Variants in AFDN observed in about 807,000 individuals in gnomAD.
The protein encoded by AFDN is afadin, adherens junction formation factor, also known as afadin.
AFDN carries 68 observed loss-of-function variants against 216.6 expected under a neutral mutation model. That is an observed-to-expected ratio of 0.31 (90% CI 0.26 to 0.38). AFDN has a LOEUF of 0.38. AFDN is among the 10% of genes least tolerant of loss of function. The pLI is 1.00. For synonymous variants in AFDN, 868 were observed against 853.7 expected (o/e 1.02, Z -0.29); for missense variants, 2,136 against 2,342.0 (o/e 0.91, Z 1.82).
chr6:167,965,646 T>G, intron 31 of AFDN, 111 bp from the exon 32 acceptor site: 1 of 1,028,668 alleles, frequency 9.7e-7, no homozygotes, highest in Non-Finnish European at 1.4e-6. Context: ...TTGTAACTAT[T>G]AAACTTTGAC....
In AFDN at chr6:167,841,999, T is replaced by TA. The variant is rs201522661; in HGVS notation, c.105+14772dup. ...AGGCACTCAGGTTTTGTTTTTTAATTAAAAAAAAAACTTTGCTAAAGTTTT... is the reference window on the plus strand; with the variant it reads ...AGGCACTCAGGTTTTGTTTTTTAATTAAAAAAAAAAACTTTGCTAAAGTTTT... On this transcript the variant is annotated intron_variant, in intron 1 of 33. Coordinates refer to ENST00000683244, the MANE Select transcript of AFDN (RefSeq NM_001386888.1). 6.2e-3 allele frequency among the ~76,000 whole-genome samples: 918 copies of TA among 148,926 alleles called. 18 individuals are homozygous for TA. Among genetic ancestry groups the TA allele is most frequent in the African/African-American group, 0.021 (857 of 40,694 alleles).
At chr6:167,966,340 A>G in intron 32 of AFDN, 1 of 1,311,834 alleles carries the variant, frequency 7.6e-7, no homozygotes, top group Non-Finnish European at 1.0e-6. Flanking sequence ...CTCTCTGCAC[A>G]CTTGCCCTGT....
intron 30 of AFDN, among the ~76,000 whole-genome samples, chr6:167,955,856 C>A (rs1402907721): frequency 6.6e-6 from 1 of 152,012 alleles, no homozygotes; most frequent in African/African-American, 2.4e-5. Flanking sequence ...TGGTTCATGC[C>A]TGTAATCCCA....
In AFDN at chr6:167,969,578, ATGT is replaced by A. The variant is rs1797877434; in HGVS notation, c.5343-200_5343-198del. Among the ~76,000 whole-genome samples the A allele has an allele frequency of 2.6e-5, 4 of 152,310 alleles. No individual in the cohort carries two copies. In the South Asian group the frequency reaches 8.3e-4, roughly 32 times the overall value. On this transcript the variant is annotated intron_variant, in intron 33 of 33. Coordinates refer to ENST00000683244, the MANE Select transcript of AFDN (RefSeq NM_001386888.1). ...AGTTGACTATGACTGGGAAAAGTTA[ATGT>A]TGTAGCCAAGAGAACATGTTGCCCT...
chr6:167,891,172 A>T, intron 8 of AFDN, 143 bp downstream of exon 8: 1 of 560,072 alleles, frequency 1.8e-6, no homozygotes, highest in Non-Finnish European at 2.8e-6. Flanking sequence ...AGTAACTCTC[A>T]TAACATTTAT....
chr6:167,914,598 GCTGT>G, intron 17 of AFDN, 42 bp from the exon 18 acceptor site: 2 of 1,331,458 alleles, frequency 1.5e-6, no homozygotes, highest in East Asian at 2.3e-5. Context: ...TCTGACAATA[GCTGT>G]CTGTCATGCT....
intron 1 of AFDN, among the ~76,000 whole-genome samples, chr6:167,840,339 T>A (rs1442095907): frequency 1.3e-5 from 2 of 152,252 alleles, no homozygotes; most frequent in African/African-American, 4.8e-5. Flanking sequence ...CTGTCCTCCT[T>A]GTAAGAGGAT....
chr6:167,932,571 C>T (rs893120686), intron 23 of AFDN: 2 of 152,132 alleles, frequency 1.3e-5, no homozygotes, highest in Non-Finnish European at 2.9e-5. Flanking sequence ...GGTTCTAGGT[C>T]GTGTTGATAA....
At position 167,965,740 on chromosome 6, in the gene AFDN, T is replaced by C; in HGVS notation, c.4969-17T>C. 6.6e-6 allele frequency: 10 copies of C among 1,514,234 alleles called. No individual in the cohort carries two copies. Among genetic ancestry groups the C allele is most frequent in the Non-Finnish European group, 8.8e-6 (10 of 1,131,672 alleles). 93.8% of individuals were successfully genotyped at this position (1,514,234 alleles called of 1,614,324 possible). Reference sequence around the variant, plus strand: ...CTCACCTCTGACCTTTGCACTCTTGTCTATTCCCGCCCGCAGAGGCGACAG... The same window carrying C: ...CTCACCTCTGACCTTTGCACTCTTGCCTATTCCCGCCCGCAGAGGCGACAG... On this transcript the variant is annotated splice_polypyrimidine_tract_variant and intron_variant, in intron 31 of 33. Coordinates refer to ENST00000683244, the MANE Select transcript of AFDN (RefSeq NM_001386888.1).
intron 4 of AFDN, among the ~76,000 whole-genome samples, chr6:167,872,585 C>A (rs540639582): frequency 6.6e-6 from 1 of 152,200 alleles, no homozygotes; most frequent in Non-Finnish European, 1.5e-5. Context: ...GCCTGTCTTG[C>A]TGTGCTTGGG....
intron 23 of AFDN, among the ~76,000 whole-genome samples, chr6:167,925,659 TC>T (rs1267504855): frequency 1.3e-5 from 2 of 152,202 alleles, no homozygotes; most frequent in Non-Finnish European, 2.9e-5. Flanking sequence ...CTCCTGGAAT[TC>T]TTGGGGTTTG....
intron 2 of AFDN, among the ~76,000 whole-genome samples, chr6:167,867,427 C>T (rs1436984918): frequency 3.4e-5 from 5 of 146,658 alleles, no homozygotes; most frequent in Non-Finnish European, 3.0e-5. Context: ...TCTTTTTTTT[C>T]TTTTCTTTTT....
At chr6:167,891,486 A>G (rs536643162) in intron 8 of AFDN, among the ~76,000 whole-genome samples, 4 of 150,772 alleles carry the variant, frequency 2.7e-5, no homozygotes, top group African/African-American at 7.3e-5. Flanking sequence ...GTGTCTAAAA[A>G]GAATATCTTT....
chr6:167,866,972 T>A (rs1221756715), intron 2 of AFDN, among the ~76,000 whole-genome samples: 1 of 152,214 alleles, frequency 6.6e-6, no homozygotes, highest in East Asian at 1.9e-4. Context: ...TTTTATATAG[T>A]CCAAGTCTTT....
intron 1 of AFDN, among the ~76,000 whole-genome samples, chr6:167,839,212 TTTGAGAAAC>T (rs1199816050): frequency 6.6e-6 from 1 of 152,220 alleles, no homozygotes. Flanking sequence ...AATGCATGTT[TTTGAGAAAC>T]ACTTCAGATT....
intron 31 of AFDN, chr6:167,963,770 G>A (rs1464646153): frequency 9.4e-7 from 1 of 1,062,200 alleles, no homozygotes; most frequent in Non-Finnish European, 1.1e-6. Flanking sequence ...TCTTTCACTT[G>A]TGTAATGGTA....
rs182784192 is a variant in AFDN, at chr6:167,854,703, C to T, written c.106-9848C>T. 1.1e-3 allele frequency among the ~76,000 whole-genome samples: 166 copies of T among 151,264 alleles called. 2 individuals carry two copies. Among genetic ancestry groups the T allele is most frequent in the African/African-American group, 4.0e-3 (165 of 41,286 alleles). On this transcript the variant is annotated intron_variant, in intron 1 of 33. Coordinates refer to ENST00000683244, the MANE Select transcript of AFDN (RefSeq NM_001386888.1). ...CGTCTTTTCCACACTGATTTGAGAC[C>T]CACCTAAAAGTCTAGACTTTTTCTT... is the stretch of plus-strand genomic sequence containing the variant.
intron 19 of AFDN, among the ~76,000 whole-genome samples, chr6:167,915,909 T>C (rs1478542663): frequency 6.6e-6 from 1 of 152,200 alleles, no homozygotes; most frequent in Non-Finnish European, 1.5e-5. Flanking sequence ...CCCAGAGATA[T>C]CTCATATATG....
Position 167,943,192 on chromosome 6 carries a change from G to A in AFDN, c.3163G>A (p.Val1055Met), listed in dbSNP as rs1322757602. The part of the protein sequence containing the change: ...KSVVKGGAAD[V>M]DGRLAAGDQL... ...GGTTGTGAAAGGAGGTGCTGCAGAT[G>A]TGGTCAGTATCATTTTGAAAGAAGT... The change falls in exon 24 of 34, where the codon GTG becomes ATG. Residue 1055 changes from valine to methionine, a missense_variant and splice_region_variant. Coordinates refer to ENST00000683244, the MANE Select transcript of AFDN (RefSeq NM_001386888.1). 1.2e-6 allele frequency: 2 copies of A among 1,613,064 alleles called. No individual in the cohort carries two copies. Among genetic ancestry groups the A allele is most frequent in the Non-Finnish European group, 1.7e-6 (2 of 1,179,192 alleles).
Sources: allele counts gnomAD v4.1 joint callset (sites outside exome capture counted in the v4.1 genomes callset), GRCh38; gene constraint gnomAD v4.1.1; transcripts MANE v1.5; gene names NCBI Gene and HGNC (gene_info 2026-07-23, HGNC 2026-07-21).